The following PCDHGB1 variants were observed in gnomAD, a reference collection of about 807,000 sequenced individuals.
PCDHGB1 encodes protocadherin gamma subfamily B, 1, also known as protocadherin gamma-B1.
Under a neutral mutation model 56.6 loss-of-function variants are expected in PCDHGB1, and 34 were observed. That is an observed-to-expected ratio of 0.60 (90% CI 0.46 to 0.80). PCDHGB1 has a LOEUF of 0.80. Ranked by LOEUF, PCDHGB1 falls within the 30% of genes least tolerant of loss-of-function variation. PCDHGB1 has a pLI of 0.00. For synonymous variants in PCDHGB1, 561 were observed against 505.9 expected (o/e 1.11, Z -1.46); for missense variants, 1,278 against 1,204.6 (o/e 1.06, Z -0.90).
At chr5:141,414,677 AG>A in intron 1 of PCDHGB1, 1 of 1,613,794 alleles carries the variant, frequency 6.2e-7, no homozygotes, top group Non-Finnish European at 8.5e-7. Context: ...GACACCATCC[AG>A]GGGGTACCTC....
At chr5:141,398,698 T>C (rs2093690457) in intron 1 of PCDHGB1, 2 of 1,613,680 alleles carry the variant, frequency 1.2e-6, no homozygotes, top group Admixed American at 1.7e-5. Flanking sequence ...TGGTAGTAAA[T>C]ACCCGGAACT....
intron 1 of PCDHGB1, chr5:141,389,893 T>C (rs764580902): frequency 2.9e-5 from 46 of 1,613,976 alleles, no homozygotes; most frequent in Non-Finnish European, 3.6e-5. Context: ...CAGGAGGTGC[T>C]GCCGGATATC....
chr5:141,371,742 C>T (rs773429109), intron 1 of PCDHGB1: 16 of 1,613,950 alleles, frequency 9.9e-6, no homozygotes, highest in Middle Eastern at 1.6e-4. Flanking sequence ...CGACAACGTT[C>T]CCGTTTTCCA....
chr5:141,506,246 C>T (rs1049014492), intron 3 of PCDHGB1, among the ~76,000 whole-genome samples: 3 of 151,958 alleles, frequency 2.0e-5, no homozygotes, highest in South Asian at 4.2e-4. Context: ...GTCAGGAGTT[C>T]GAAACCGGCC....
rs754536860 is a variant in PCDHGB1, at chr5:141,432,221, A to G, written c.2410-62586A>G. The G allele has an allele frequency of 2.5e-6, 4 of 1,614,190 alleles. No homozygotes were observed. The South Asian group carries it at 4.4e-5, about 18-fold the overall frequency. ...CGACTGTGAAGAGAACGCCCAGATC[A>G]CTTATTCCCTGGCTGAGAACACCAT... On this transcript the variant is annotated intron_variant, in intron 1 of 3. Coordinates refer to ENST00000523390, the MANE Select transcript of PCDHGB1 (RefSeq NM_018922.3). The surrounding 1 kb of genome is among the most constrained non-coding windows in gnomAD (Gnocchi z 6.0).
At chr5:141,380,197 G>A (rs1222877039) in intron 1 of PCDHGB1, among the ~76,000 whole-genome samples, 1 of 152,144 alleles carries the variant, frequency 6.6e-6, no homozygotes, top group East Asian at 1.9e-4. Flanking sequence ...ACTGAGCCCG[G>A]CCTGAAAGGC....
chr5:141,355,759 G>A (rs769349934), intron 1 of PCDHGB1: 10 of 1,613,774 alleles, frequency 6.2e-6, no homozygotes, highest in Non-Finnish European at 1.7e-6. Context: ...AAGTGGGGCC[G>A]ATGGGATTAA....
At chr5:141,362,105 C>T (rs772642653) in intron 1 of PCDHGB1, 18 of 1,613,930 alleles carry the variant, frequency 1.1e-5, no homozygotes, top group Admixed American at 8.3e-5. Context: ...CTCTCCGCTA[C>T]GGCCACGCTG....
Position 141,485,302 on chromosome 5 carries a change from T to C in PCDHGB1, c.2410-9505T>C. 1.2e-6 allele frequency: 2 copies of C among 1,614,152 alleles called. No homozygotes were observed. Among genetic ancestry groups the C allele is most frequent in the South Asian group, 2.2e-5 (2 of 91,078 alleles). On this transcript the variant is annotated intron_variant, in intron 1 of 3. Coordinates refer to ENST00000523390, the MANE Select transcript of PCDHGB1 (RefSeq NM_018922.3). This position sits in a 1 kb window ranked among gnomAD's most constrained non-coding sequence, Gnocchi z 5.7. ...TCCCAGAGGAGTCACAGGAAGGGAC[T>C]TTTGTAGGGAATGTCGCTCAAGATT... is the stretch of plus-strand genomic sequence containing the variant.
At chr5:141,418,185 T>C in intron 1 of PCDHGB1, 1 of 1,614,058 alleles carries the variant, frequency 6.2e-7, no homozygotes, top group Non-Finnish European at 8.5e-7. Flanking sequence ...TTGGAAGCTG[T>C]GGTGGAAAAT....
intron 1 of PCDHGB1, chr5:141,367,888 TG>T (rs1765380243): frequency 6.6e-6 from 1 of 152,184 alleles, no homozygotes; most frequent in African/African-American, 2.4e-5. Flanking sequence ...CTTTATTACT[TG>T]AGTTTAAGGT....
intron 1 of PCDHGB1, among the ~76,000 whole-genome samples, chr5:141,463,721 C>T (rs1012411825): frequency 1.3e-5 from 2 of 152,046 alleles, no homozygotes; most frequent in Non-Finnish European, 2.9e-5. Flanking sequence ...GCTGGGATTA[C>T]AGGCATGAGC....
At position 141,357,120 on chromosome 5, in the gene PCDHGB1, G is replaced by A. The variant is rs777241570; in HGVS notation, c.2409+4451G>A. The A allele has an allele frequency of 3.7e-6, 6 of 1,613,562 alleles. No homozygotes were observed. The Admixed American group carries it at 1.0e-4, about 27-fold the overall frequency. Reference sequence around the variant, plus strand: ...TGCTGGACAGAGACGCGCTCAAGCAGAGGCTTGTAGTGGTCGTCCAGGACC... The same window carrying A: ...TGCTGGACAGAGACGCGCTCAAGCAAAGGCTTGTAGTGGTCGTCCAGGACC... On this transcript the variant is annotated intron_variant, in intron 1 of 3. Transcript: ENST00000523390.
Position 141,486,288 on chromosome 5 carries a change from T to C in PCDHGB1, c.2410-8519T>C. 5 of 1,613,996 alleles carry C rather than the reference T, an allele frequency of 3.1e-6. No individual in the cohort carries two copies. The highest frequency in any genetic ancestry group is 4.2e-6 in the Non-Finnish European group (5 of 1,179,986). ...GAACCTGGCACTGTGGTGGCACTTA[T>C]CAGTGTGCAGGATCCAGACTCAGGG... On this transcript the variant is annotated intron_variant, in intron 1 of 3. Coordinates refer to ENST00000523390, the MANE Select transcript of PCDHGB1 (RefSeq NM_018922.3). The surrounding 1 kb of genome is among the most constrained non-coding windows in gnomAD (Gnocchi z 5.0).
intron 1 of PCDHGB1, chr5:141,356,555 T>C (rs1760254729): frequency 6.2e-7 from 1 of 1,613,964 alleles, no homozygotes; most frequent in Non-Finnish European, 8.5e-7. Context: ...CCACCCACTT[T>C]CCCTCATGCT....
At chr5:141,510,863 A>G in intron 3 of PCDHGB1, 84 bp from the exon 4 acceptor site, 1 of 1,607,492 alleles carries the variant, frequency 6.2e-7, no homozygotes, top group African/African-American at 1.3e-5. Flanking sequence ...CTGTATAGGC[A>G]TTCATTAACT....
intron 1 of PCDHGB1, chr5:141,427,240 C>G (rs1447231420): frequency 1.3e-5 from 6 of 456,536 alleles, no homozygotes; most frequent in Non-Finnish European, 2.6e-5. Context: ...AGAGTAGAAG[C>G]TAAGGATGGT....
chr5:141,393,578 GC>G, intron 1 of PCDHGB1: 1 of 1,613,930 alleles, frequency 6.2e-7, no homozygotes. Context: ...TTGAGAACAT[GC>G]CCCCAGGCAC....
chr5:141,352,363 C>T lies in PCDHGB1; in HGVS notation c.2103C>T (p.Leu701=). 2 of 1,614,078 alleles carry T rather than the reference C, an allele frequency of 1.2e-6. No homozygotes were observed. The highest frequency in any genetic ancestry group is 2.2e-5 in the South Asian group (2 of 91,092). ...ALALISVLFL[L]AVILAIALRL... ...CCTTGATCTCAGTGCTCTTTCTCCT[C>T]GCGGTGATTCTAGCGATCGCCCTGC... The change falls in exon 1 of 4, where the codon CTC becomes CTT. Residue 701 remains leucine (L), a synonymous_variant. Coordinates refer to ENST00000523390, the MANE Select transcript of PCDHGB1 (RefSeq NM_018922.3).
Sources: gnomAD v4.1 joint callset for allele counts (sites outside exome capture counted in the v4.1 genomes callset) on GRCh38, gnomAD v4.1.1 for gene constraint, Gnocchi (gnomAD v3.1) non-coding constraint, MANE v1.5 for transcripts, NCBI Gene and HGNC (gene_info 2026-07-23, HGNC 2026-07-21) for gene names.